Variants in XPO6 observed in about 807,000 individuals in gnomAD.
XPO6 encodes exportin 6, also known as exportin-6.
A neutral mutation model predicts 130.0 loss-of-function variants in XPO6; 3 were observed. The observed-to-expected ratio is 0.02, with a 90% CI of 0.01 to 0.06. XPO6 has a LOEUF of 0.06. Among genes scored for constraint, XPO6 ranks in the 10% least tolerant of loss-of-function variants. The pLI, the probability that XPO6 is intolerant of heterozygous loss-of-function variation, is 1.00. For missense variants in XPO6, 970 were observed against 1,393.0 expected (o/e 0.70, Z 4.83); for synonymous variants, 524 against 548.9 (o/e 0.95, Z 0.63).
chr16:28,113,429 G>C (rs1013098355), intron 15 of XPO6, among the ~76,000 whole-genome samples: 4 of 151,984 alleles, frequency 2.6e-5, no homozygotes, highest in African/African-American at 9.7e-5. Context: ...AGATCTCCCC[G>C]AGCCCCCGAC....
rs2042682053 is a variant in XPO6 at position 28,132,085 on chromosome 16, T to C, written c.1606+249A>G. On this transcript the variant is annotated intron_variant, in intron 12 of 23. Coordinates refer to ENST00000304658, the MANE Select transcript of XPO6 (RefSeq NM_015171.4). This position sits in a 1 kb window ranked among gnomAD's most constrained non-coding sequence, Gnocchi z 4.0. ...GAGGCTTTTTAGTAAGTCCTGTCTC[T>C]TTACTCCAAATCAGTTTCTTTTCCA... Among the ~76,000 whole-genome samples the C allele has an allele frequency of 6.6e-6, 1 of 152,226 alleles. No homozygotes were observed. The highest frequency in any genetic ancestry group is 2.1e-4 in the South Asian group (1 of 4,830).
At chr16:28,167,107 C>T in intron 5 of XPO6, 1 of 981,086 alleles carries the variant, frequency 1.0e-6, no homozygotes. Context: ...GACTCATCCA[C>T]TGCTATGGCT....
At chr16:28,194,476 T>C (rs1792210824) in intron 1 of XPO6, among the ~76,000 whole-genome samples, 1 of 152,038 alleles carries the variant, frequency 6.6e-6, no homozygotes, top group Non-Finnish European at 1.5e-5. Flanking sequence ...AAGAAAGAAA[T>C]ATTGCATAGA....
intron 1 of XPO6, among the ~76,000 whole-genome samples, chr16:28,208,478 G>A (rs2044069999): frequency 6.6e-6 from 1 of 152,078 alleles, no homozygotes; most frequent in South Asian, 2.1e-4. Flanking sequence ...CCTGACCCTG[G>A]GATACCTACA....
intron 6 of XPO6, among the ~76,000 whole-genome samples, chr16:28,162,938 A>ACTCTT: frequency 6.6e-6 from 1 of 152,304 alleles, no homozygotes; most frequent in African/African-American, 2.4e-5. Flanking sequence ...CTAACTTAAG[A>ACTCTT]GTTTTCCAAC....
chr16:28,152,782 A>G lies in XPO6; in HGVS notation c.1101T>C (p.Tyr367=), dbSNP rs1470972498. Residue 367 remains tyrosine, a synonymous_variant, in exon 8 of 24, where the codon TAT becomes TAC. Coordinates refer to ENST00000304658, the MANE Select transcript of XPO6 (RefSeq NM_015171.4). ...GAAGAAAGTCAGTAAACTTCTCGATATAGCTAAATGAGACAAGACAAAAGG... is the reference window on the plus strand; with the variant it reads ...GAAGAAAGTCAGTAAACTTCTCGATGTAGCTAAATGAGACAAGACAAAAGG... ...KSRLEELDES[Y]IEKFTDFLRL... is the part of the protein sequence containing the mutation. 3.1e-6 allele frequency: 5 copies of G among 1,612,338 alleles called. No individual in the cohort carries two copies. The highest frequency in any genetic ancestry group is 2.2e-5 in the East Asian group (1 of 44,830).
In XPO6 at chr16:28,175,935, G is replaced by A; in HGVS notation, c.368C>T (p.Pro123Leu). 6.2e-7 allele frequency: 1 copy of A among 1,613,994 alleles called. No homozygotes were observed. Among genetic ancestry groups the A allele is most frequent in the East Asian group, 2.2e-5 (1 of 44,882 alleles). The change falls in exon 4 of 24, where the codon CCC becomes CTC. Residue 123 changes from proline to leucine, a missense_variant. This residue lies in a region of XPO6 where 936 missense variants were observed against 1,306.8 expected (regional missense o/e 0.72). Transcript: ENST00000304658. ...AGTAAAAAAGTCGTGGTAGAACATG[G>A]GCCAATCCTGACGTCCAATATCAAC... Reference protein sequence around the residue: ...VIVDIGRQDWPMFYHDFFTNI... With the variant: ...VIVDIGRQDWLMFYHDFFTNI...
At position 28,106,333 on chromosome 16, in the gene XPO6, A is replaced by AC; in HGVS notation, c.2612+49dup. 6.2e-7 allele frequency: 1 copy of AC among 1,608,008 alleles called. No homozygotes were observed. Reference sequence around the variant, plus strand: ...AAAGCCACACTTTGTCGCCAGACCCACCACTTCTCCCTTGAATCTGAAAAC... The same window carrying AC: ...AAAGCCACACTTTGTCGCCAGACCCACCCACTTCTCCCTTGAATCTGAAAAC... On this transcript the variant is annotated intron_variant, in intron 19 of 23. Transcript: ENST00000304658. This position sits in a 1 kb window ranked among gnomAD's most constrained non-coding sequence, Gnocchi z 4.2.
At chr16:28,137,528 C>T (rs1157776169) in intron 9 of XPO6, among the ~76,000 whole-genome samples, 1 of 152,138 alleles carries the variant, frequency 6.6e-6, no homozygotes, top group Non-Finnish European at 1.5e-5. Context: ...AATACCAAGA[C>T]CAAATACAGT....
intron 12 of XPO6, among the ~76,000 whole-genome samples, chr16:28,131,935 G>A (rs907263208): frequency 6.6e-6 from 1 of 152,108 alleles, no homozygotes; most frequent in Non-Finnish European, 1.5e-5. Context: ...CAGGGGGCAG[G>A]GGGACCACAG....
intron 1 of XPO6, among the ~76,000 whole-genome samples, chr16:28,194,363 G>A (rs1011656498): frequency 1.3e-5 from 2 of 152,184 alleles, no homozygotes; most frequent in Non-Finnish European, 2.9e-5. Context: ...AACGAAGAAT[G>A]TAAGAATGAA....
chr16:28,104,317 A>G (rs1294934123), intron 21 of XPO6, among the ~76,000 whole-genome samples: 1 of 152,202 alleles, frequency 6.6e-6, no homozygotes, highest in Non-Finnish European at 1.5e-5. Context: ...AGTGTCATGC[A>G]CTTTGTGTAT....
intron 15 of XPO6, among the ~76,000 whole-genome samples, chr16:28,116,183 C>T (rs1006485804): frequency 1.3e-5 from 2 of 152,214 alleles, no homozygotes; most frequent in Non-Finnish European, 2.9e-5. Flanking sequence ...TTGGCCAGGC[C>T]GGGCGCGGTG....
chr16:28,135,450 C>A (rs1160447105), intron 9 of XPO6, 126 bp from the exon 10 acceptor site: 6 of 726,634 alleles, frequency 8.3e-6, no homozygotes, highest in Non-Finnish European at 9.1e-6. Context: ...ATCGAAATTC[C>A]TGAGGCTGAG....
chr16:28,124,882 G>A (rs1021025211), intron 13 of XPO6, among the ~76,000 whole-genome samples: 18 of 152,292 alleles, frequency 1.2e-4, no homozygotes, highest in South Asian at 4.1e-4. Context: ...CCAGTGATGC[G>A]GCTGCTGGGC....
intron 1 of XPO6, among the ~76,000 whole-genome samples, chr16:28,186,371 A>ATTTTTTTTTTT (rs1237138991): frequency 9.9e-5 from 1 of 10,128 alleles, no homozygotes; most frequent in Admixed American, 1.2e-3. Flanking sequence ...TGCCCCAGTT[A>ATTTTTTTTTTT]TTCTTTTTTT....
Position 28,111,915 on chromosome 16 carries a change from G to A in XPO6, c.2243C>T (p.Ser748Phe). 6.2e-7 allele frequency: 1 copy of A among 1,614,142 alleles called. No individual in the cohort carries two copies. Among genetic ancestry groups the A allele is most frequent in the Non-Finnish European group, 8.5e-7 (1 of 1,180,038 alleles). Residue 748 changes from serine (S) to phenylalanine (F), a missense_variant, in exon 17 of 24, where the codon TCC becomes TTC. Ser to Phe is a radical substitution (Grantham distance 155, BLOSUM62 -2). This residue lies in a region of XPO6 where 936 missense variants were observed against 1,306.8 expected (regional missense o/e 0.72). Coordinates refer to ENST00000304658, the MANE Select transcript of XPO6 (RefSeq NM_015171.4). Reference protein sequence around the residue: ...PENEQQWPVRSINHASLISAL... With the variant: ...PENEQQWPVRFINHASLISAL... Reference sequence around the variant, plus strand: ...AGAGATGAGGCTGGCGTGGTTGATGGAGCGCACGGGCCACTGCTGCTCATT... The same window carrying A: ...AGAGATGAGGCTGGCGTGGTTGATGAAGCGCACGGGCCACTGCTGCTCATT...
At chr16:28,154,185 A>G (rs768654469) in intron 7 of XPO6, 184 of 979,090 alleles carry the variant, frequency 1.9e-4, no homozygotes, top group Non-Finnish European at 2.2e-4. Context: ...ATAGTTTTAC[A>G]TGGATATTCA....
intron 8 of XPO6, among the ~76,000 whole-genome samples, chr16:28,147,255 A>G (rs567074066): frequency 1.7e-4 from 26 of 152,268 alleles, no homozygotes; most frequent in African/African-American, 6.3e-4. Flanking sequence ...CCTAAGCTGA[A>G]GTCTGAGACA....
Sources: gnomAD v4.1 joint callset for allele counts (sites outside exome capture counted in the v4.1 genomes callset) on GRCh38, gnomAD v4.1.1 for gene constraint, gnomAD v4.1.1 regional missense constraint, Gnocchi (gnomAD v3.1) non-coding constraint, MANE v1.5 for transcripts, NCBI Gene and HGNC (gene_info 2026-07-23, HGNC 2026-07-21) for gene names.